Variants in MYH11 observed in about 807,000 individuals in gnomAD.
The protein encoded by MYH11 is myosin heavy chain 11.
Under a neutral mutation model 246.6 loss-of-function variants are expected in MYH11, and 80 were observed. That is an observed-to-expected ratio of 0.32 (90% CI 0.27 to 0.39). The LOEUF is 0.39. MYH11 is among the 10% of genes least tolerant of loss of function. The pLI, the probability that MYH11 is intolerant of heterozygous loss-of-function variation, is 1.00. For missense variants in MYH11, 2,158 were observed against 2,546.8 expected (o/e 0.85, Z 3.29); for synonymous variants, 1,071 against 1,015.5 (o/e 1.05, Z -1.04).
intron 9 of MYH11, among the ~76,000 whole-genome samples, chr16:15,766,348 T>G (rs866978624): frequency 4.1e-4 from 28 of 67,778 alleles, no homozygotes; most frequent in African/African-American, 1.2e-3. Flanking sequence ...TTTTTTGGTG[T>G]GTGTGTGTGT....
intron 27 of MYH11, among the ~76,000 whole-genome samples, chr16:15,729,885 A>G (rs1300840676): frequency 2.0e-5 from 3 of 151,812 alleles, no homozygotes; most frequent in Non-Finnish European, 4.4e-5. Flanking sequence ...ATGGGGTTTC[A>G]CTATGTTGGT....
intron 8 of MYH11, among the ~76,000 whole-genome samples, chr16:15,771,998 A>G (rs1442958873): frequency 6.6e-6 from 1 of 151,708 alleles, no homozygotes; most frequent in Non-Finnish European, 1.5e-5. Flanking sequence ...TACCTGGAGG[A>G]AGGGATGCCT....
At chr16:15,818,819 G>A (rs1249380267) in intron 3 of MYH11, among the ~76,000 whole-genome samples, 2 of 152,146 alleles carry the variant, frequency 1.3e-5, no homozygotes, top group Non-Finnish European at 1.5e-5. Flanking sequence ...AGCAGGTGTT[G>A]GTTAACATTT....
chr16:15,745,818 C>T (rs2041403713), intron 19 of MYH11, among the ~76,000 whole-genome samples: 2 of 152,102 alleles, frequency 1.3e-5, no homozygotes, highest in African/African-American at 4.8e-5. Flanking sequence ...AACTCCTGAC[C>T]TCAGGTGATC....
intron 5 of MYH11, chr16:15,784,760 T>C: frequency 6.2e-7 from 1 of 1,612,670 alleles, no homozygotes; most frequent in Non-Finnish European, 8.5e-7. Flanking sequence ...GTCAGCGTTA[T>C]TTCCATCACA....
intron 1 of MYH11, among the ~76,000 whole-genome samples, chr16:15,839,086 T>C (rs145224324): frequency 0.013 from 1,965 of 151,918 alleles, 47 homozygotes; most frequent in African/African-American, 0.042. Context: ...AGCGCACACC[T>C]GTAGTCTCAG....
At chr16:15,741,700 G>A in intron 21 of MYH11, 31 bp from the exon 22 acceptor site, 2 of 1,614,038 alleles carry the variant, frequency 1.2e-6, no homozygotes, top group Non-Finnish European at 8.5e-7. Context: ...GGAGGCGGGT[G>A]AGCCCCACGG....
chr16:15,742,175 G>A (rs2041293775), intron 20 of MYH11: 3 of 531,402 alleles, frequency 5.6e-6, no homozygotes, highest in Non-Finnish European at 6.8e-6. Context: ...AGACTGAGGA[G>A]CTCTAAATCA....
chr16:15,848,540 T>G (rs1321362886), intron 1 of MYH11, among the ~76,000 whole-genome samples: 1 of 152,054 alleles, frequency 6.6e-6, no homozygotes, highest in Non-Finnish European at 1.5e-5. Flanking sequence ...GGCCACAAAC[T>G]CTGCACTGTG....
At position 15,724,368 on chromosome 16, in the gene MYH11, G is replaced by A. The variant is rs112377790; in HGVS notation, c.4158C>T (p.Thr1386=). The change falls in exon 31 of 41, where the codon ACC becomes ACT. Residue 1386 remains threonine (T), a synonymous_variant. Coordinates refer to ENST00000300036, the MANE Select transcript of MYH11 (RefSeq NM_002474.3). ...SKKKLQDFAS[T]VEALEEGKKR... is the part of the protein sequence containing the mutation. Reference sequence around the variant, plus strand: ...TCTTCCCCTCTTCCAGAGCTTCCACGGTGCTGGCAAAGTCCTGCAGCTTCT... The same window carrying A: ...TCTTCCCCTCTTCCAGAGCTTCCACAGTGCTGGCAAAGTCCTGCAGCTTCT... 17,690 of 1,614,090 alleles carry A rather than the reference G, an allele frequency of 0.011. 131 individuals carry two copies. Among genetic ancestry groups the A allele is most frequent in the Non-Finnish European group, 0.013 (15,139 of 1,180,014 alleles).
intron 22 of MYH11, among the ~76,000 whole-genome samples, chr16:15,740,488 G>A (rs991186798): frequency 4.6e-5 from 7 of 151,918 alleles, no homozygotes; most frequent in Non-Finnish European, 8.8e-5. Context: ...GTGGGCTCCT[G>A]TAATCCCAGC....
At chr16:15,715,115 G>A (rs2040049902) in intron 39 of MYH11, 34 bp from the exon 40 acceptor site, 2 of 1,612,308 alleles carry the variant, frequency 1.2e-6, no homozygotes, top group African/African-American at 2.7e-5. Context: ...GGTTAGGGGA[G>A]GCCGGCTGGG....
At chr16:15,724,854 C>T (rs1414050330) in intron 29 of MYH11, 34 bp downstream of exon 29, 1 of 1,613,706 alleles carries the variant, frequency 6.2e-7, no homozygotes, top group Non-Finnish European at 8.5e-7. Flanking sequence ...AGGCCACCCC[C>T]CAGGTCCCCT....
At chr16:15,732,398 C>T (rs2040991856) in intron 27 of MYH11, 166 bp downstream of exon 27, 1 of 1,078,444 alleles carries the variant, frequency 9.3e-7, no homozygotes, top group East Asian at 2.4e-5. Flanking sequence ...CCTCACCCAG[C>T]CTGTATGGGA....
At chr16:15,758,428 G>A (rs1310811449) in intron 12 of MYH11, among the ~76,000 whole-genome samples, 1 of 152,114 alleles carries the variant, frequency 6.6e-6, no homozygotes, top group Non-Finnish European at 1.5e-5. Flanking sequence ...CCAGCACTTA[G>A]GGAGGCCAAG....
rs11557090 is a variant in MYH11, at chr16:15,725,640, G to A, written c.3859-648C>T. 18,130 of 400,094 alleles carry A rather than the reference G, an allele frequency of 0.045. 1,300 individuals are homozygous for A. The highest frequency in any genetic ancestry group is 0.22 in the African/African-American group (10,684 of 48,642). 24.8% of individuals were successfully genotyped at this position (400,094 alleles called of 1,614,324 possible). On this transcript the variant is annotated intron_variant, in intron 28 of 40. Coordinates refer to ENST00000300036, the MANE Select transcript of MYH11 (RefSeq NM_002474.3). ...ATCTTGACACTGCTTATATGAGGGC[G>A]GCAAAAGCCCTGCTCTCAACTGCAT...
At chr16:15,762,826 G>T (rs2041899873) in intron 10 of MYH11, among the ~76,000 whole-genome samples, 2 of 152,220 alleles carry the variant, frequency 1.3e-5, no homozygotes, top group South Asian at 4.1e-4. Flanking sequence ...TGTCTAGGCT[G>T]TGGGCAAGGT....
intron 28 of MYH11, chr16:15,726,524 C>G: frequency 2.3e-6 from 1 of 425,594 alleles, no homozygotes; most frequent in Non-Finnish European, 4.4e-6. Flanking sequence ...GTGCCCACGA[C>G]CACGCCTGGC....
chr16:15,762,712 G>A (rs1189473728), intron 10 of MYH11, among the ~76,000 whole-genome samples: 1 of 152,156 alleles, frequency 6.6e-6, no homozygotes, highest in African/African-American at 2.4e-5. Context: ...GAATGCTCAA[G>A]GAGATTGATT....
Sources: allele counts gnomAD v4.1 joint callset (sites outside exome capture counted in the v4.1 genomes callset), GRCh38; gene constraint gnomAD v4.1.1; transcripts MANE v1.5; gene names NCBI Gene and HGNC (gene_info 2026-07-23, HGNC 2026-07-21).